KCNH5: variants seen among roughly 807,000 people sequenced by gnomAD.
The protein encoded by KCNH5 is potassium voltage-gated channel subfamily H member 5.
Under a neutral mutation model 96.1 loss-of-function variants are expected in KCNH5, and 46 were observed. The ratio of observed to expected loss-of-function variants is 0.48; its 90% confidence interval spans 0.38 to 0.61. The LOEUF (loss-of-function observed/expected upper bound fraction) is 0.61, where lower values mean the gene tolerates loss of function less well. KCNH5 is among the 20% of genes least tolerant of loss of function. The pLI, the probability that KCNH5 is intolerant of heterozygous loss-of-function variation, is 0.00. For missense variants in KCNH5, 907 were observed against 1,225.8 expected (o/e 0.74, Z 3.88); for synonymous variants, 439 against 449.8 (o/e 0.98, Z 0.30).
At chr14:62,801,276 A>T (rs1375477722) in intron 9 of KCNH5, among the ~76,000 whole-genome samples, 2 of 151,932 alleles carry the variant, frequency 1.3e-5, no homozygotes, top group Non-Finnish European at 2.9e-5. Flanking sequence ...CTGAAAATCC[A>T]ATAGTTTAAA....
intron 10 of KCNH5, among the ~76,000 whole-genome samples, chr14:62,770,228 T>TA (rs760852201): frequency 8.5e-5 from 13 of 152,222 alleles, no homozygotes; most frequent in Non-Finnish European, 1.8e-4. Context: ...GCAAATACTT[T>TA]ATGCCTGTTT....
intron 7 of KCNH5, among the ~76,000 whole-genome samples, chr14:62,915,562 G>A (rs1425761363): frequency 7.9e-5 from 12 of 152,074 alleles, no homozygotes; most frequent in Admixed American, 6.6e-4. Context: ...TAGAACAAGG[G>A]CTACATACTA....
At chr14:62,755,856 A>G (rs1885611052) in intron 10 of KCNH5, among the ~76,000 whole-genome samples, 1 of 152,252 alleles carries the variant, frequency 6.6e-6, no homozygotes, top group Admixed American at 6.5e-5. Flanking sequence ...AGGAAAAAAA[A>G]TTACATGATC....
intron 1 of KCNH5, among the ~76,000 whole-genome samples, chr14:63,038,022 AG>A (rs1320121587): frequency 6.6e-6 from 1 of 152,214 alleles, no homozygotes; most frequent in Non-Finnish European, 1.5e-5. Context: ...TGGAATAGGA[AG>A]TGAACATGGG....
At chr14:62,828,264 C>G (rs1184008434) in intron 8 of KCNH5, among the ~76,000 whole-genome samples, 2 of 152,056 alleles carry the variant, frequency 1.3e-5, no homozygotes, top group African/African-American at 4.8e-5. Flanking sequence ...GGGAGATAGG[C>G]TTTCAGGTTG....
intron 7 of KCNH5, among the ~76,000 whole-genome samples, chr14:62,936,396 C>T (rs1889680483): frequency 6.6e-6 from 1 of 152,154 alleles, no homozygotes; most frequent in Non-Finnish European, 1.5e-5. Flanking sequence ...AAAACAAGCT[C>T]AGGTGCAGTG....
intron 7 of KCNH5, among the ~76,000 whole-genome samples, chr14:62,948,655 T>G (rs1231072310): frequency 6.6e-6 from 1 of 150,780 alleles, no homozygotes; most frequent in Non-Finnish European, 1.5e-5. Flanking sequence ...CCTAACTAAT[T>G]TTATGAGGCC....
chr14:62,922,101 C>A (rs1304920692), intron 7 of KCNH5, among the ~76,000 whole-genome samples: 1 of 152,036 alleles, frequency 6.6e-6, no homozygotes, highest in Non-Finnish European at 1.5e-5. Flanking sequence ...TGGGTTCCAC[C>A]TTATACAGTG....
chr14:62,946,990 T>C (rs1889900203), intron 7 of KCNH5, among the ~76,000 whole-genome samples: 1 of 152,172 alleles, frequency 6.6e-6, no homozygotes, highest in Admixed American at 6.5e-5. Context: ...GTATCTTGAT[T>C]GCAGTTGTAA....
At chr14:63,029,911 A>G (rs1430618900) in intron 1 of KCNH5, among the ~76,000 whole-genome samples, 1 of 152,184 alleles carries the variant, frequency 6.6e-6, no homozygotes, top group Non-Finnish European at 1.5e-5. Context: ...TGCTTCCCAG[A>G]AAATTTTAAT....
chr14:62,834,954 G>T (rs1374946517), intron 8 of KCNH5, among the ~76,000 whole-genome samples: 1 of 151,852 alleles, frequency 6.6e-6, no homozygotes, highest in Non-Finnish European at 1.5e-5. Context: ...CGGCCCTTTA[G>T]AGAAAAAATT....
intron 7 of KCNH5, among the ~76,000 whole-genome samples, chr14:62,913,521 C>T (rs960705276): frequency 1.3e-5 from 2 of 152,120 alleles, no homozygotes; most frequent in East Asian, 1.9e-4. Context: ...CCACTGCGCC[C>T]GGCCAAAACT....
intron 6 of KCNH5, among the ~76,000 whole-genome samples, chr14:62,960,828 C>A (rs574941241): frequency 1.3e-3 from 194 of 152,256 alleles, no homozygotes; most frequent in Non-Finnish European, 2.0e-3. Context: ...TAGCTAGCAT[C>A]CTTCTGTAGA....
At chr14:62,994,726 C>T in intron 4 of KCNH5, among the ~76,000 whole-genome samples, 1 of 151,908 alleles carries the variant, frequency 6.6e-6, no homozygotes, top group East Asian at 1.9e-4. Context: ...CTGAGAAGGA[C>T]GGGGCAGCAT....
chr14:62,875,885 G>T (rs1010459470), intron 7 of KCNH5, among the ~76,000 whole-genome samples: 1 of 151,880 alleles, frequency 6.6e-6, no homozygotes, highest in Non-Finnish European at 1.5e-5. Flanking sequence ...TTTAAGAAAT[G>T]TTGGCCTGGT....
At chr14:62,743,915 T>G (rs1222849004) in intron 10 of KCNH5, among the ~76,000 whole-genome samples, 1 of 152,088 alleles carries the variant, frequency 6.6e-6, no homozygotes, top group African/African-American at 2.4e-5. Context: ...GTTCCTTAAA[T>G]AAAGGAACAA....
chr14:62,945,639 G>A (rs973123399), intron 7 of KCNH5, among the ~76,000 whole-genome samples: 25 of 152,104 alleles, frequency 1.6e-4, no homozygotes, highest in African/African-American at 6.0e-4. Context: ...TGAAGGGAAA[G>A]GTTAAAGAGT....
intron 7 of KCNH5, among the ~76,000 whole-genome samples, chr14:62,850,813 G>A (rs1250751494): frequency 6.6e-6 from 1 of 152,020 alleles, no homozygotes; most frequent in Admixed American, 6.6e-5. Context: ...TTTGAAAAGG[G>A]GGCAGTACTT....
At chr14:62,776,533 T>C (rs1249393015) in intron 10 of KCNH5, among the ~76,000 whole-genome samples, 1 of 152,174 alleles carries the variant, frequency 6.6e-6, no homozygotes, top group East Asian at 1.9e-4. Context: ...CAATGTATCA[T>C]ATTTTGTTAT....
Sources: gnomAD v4.1 joint callset for allele counts (sites outside exome capture counted in the v4.1 genomes callset) on GRCh38, gnomAD v4.1.1 for gene constraint, MANE v1.5 for transcripts, NCBI Gene and HGNC (gene_info 2026-07-23, HGNC 2026-07-21) for gene names.